MPP3: variants seen among roughly 807,000 people sequenced by gnomAD.
The protein encoded by MPP3 is MAGUK p55 scaffold protein 3.
Under a neutral mutation model 80.7 loss-of-function variants are expected in MPP3, and 48 were observed. That is an observed-to-expected ratio of 0.59 (90% CI 0.47 to 0.76). The LOEUF is 0.76. MPP3 is among the 30% of genes least tolerant of loss of function. The pLI, the probability that MPP3 is intolerant of heterozygous loss-of-function variation, is 0.00. For missense variants in MPP3, 620 were observed against 763.0 expected (o/e 0.81, Z 2.21); for synonymous variants, 311 against 297.6 (o/e 1.04, Z -0.46).
At position 43,801,805 on chromosome 17, in the gene MPP3, C is replaced by T. The variant is rs753720984; in HGVS notation, c.1654G>A (p.Val552Met). 1.7e-5 allele frequency: 27 copies of T among 1,614,040 alleles called. No homozygotes were observed. Among genetic ancestry groups the T allele is most frequent in the Middle Eastern group, 3.3e-4 (2 of 6,084 alleles). ...DRHYGHLVDA[V>M]LVKEDLQGAY... ...CCCTGGAGATCCTCCTTCACCAGCA[C>T]GGCGTCTACCAGGTGCCCGTAATGC... Residue 552 changes from valine to methionine, a missense_variant, in exon 20 of 20, where the codon GTG becomes ATG. Val to Met is a conservative substitution (Grantham distance 21). Transcript: ENST00000398389.
At chr17:43,827,901 C>T in intron 7 of MPP3, 69 bp from the exon 8 acceptor site, 1 of 1,400,894 alleles carries the variant, frequency 7.1e-7, no homozygotes, top group Non-Finnish European at 1.0e-6. Flanking sequence ...ACTCTCTGGA[C>T]CCAACACAGC....
intron 14 of MPP3, chr17:43,814,746 A>G (rs1447425841): frequency 5.9e-6 from 1 of 168,594 alleles, no homozygotes; most frequent in Non-Finnish European, 1.3e-5. Flanking sequence ...ACAATTGTTA[A>G]CATTTAAATA....
chr17:43,809,878 CA>C (rs897318825), intron 18 of MPP3, among the ~76,000 whole-genome samples: 1 of 147,838 alleles, frequency 6.8e-6, no homozygotes, highest in Non-Finnish European at 1.5e-5. Flanking sequence ...GAATCTGTCT[CA>C]AAAAAAAAGA....
chr17:43,801,657 A>G lies in MPP3; in HGVS notation c.*44T>C. On this transcript the variant is annotated 3_prime_UTR_variant, in exon 20 of 20. Coordinates refer to ENST00000398389, the MANE Select transcript of MPP3 (RefSeq NM_001932.6). Reference sequence around the variant, plus strand: ...GGTAAAATGAGGGAGTCTGGACTAGATGATCTTCAAGGTCCCGTCCAGCTT... The same window carrying G: ...GGTAAAATGAGGGAGTCTGGACTAGGTGATCTTCAAGGTCCCGTCCAGCTT... 1 of 1,586,964 alleles carries G rather than the reference A, an allele frequency of 6.3e-7. No individual in the cohort carries two copies. The highest frequency in any genetic ancestry group is 8.6e-7 in the Non-Finnish European group (1 of 1,156,678).
rs879356377 is a variant in MPP3 at position 43,825,610 on chromosome 17, G to A, written c.609+146C>T. 20 of 635,282 alleles carry A rather than the reference G, an allele frequency of 3.1e-5. No homozygotes were observed. In the Admixed American group the frequency reaches 4.5e-4, roughly 14 times the overall value. 39.4% of individuals were successfully genotyped at this position (635,282 alleles called of 1,614,324 possible). ...TGCCACCCCATACCCCGGGCACACTGTTAGGGGCACACCATAAGGCCACTT... is the reference window on the plus strand; with the variant it reads ...TGCCACCCCATACCCCGGGCACACTATTAGGGGCACACCATAAGGCCACTT... On this transcript the variant is annotated intron_variant, in intron 9 of 19. Coordinates refer to ENST00000398389, the MANE Select transcript of MPP3 (RefSeq NM_001932.6).
At chr17:43,822,145 A>G (rs932457523) in intron 10 of MPP3, among the ~76,000 whole-genome samples, 1 of 152,244 alleles carries the variant, frequency 6.6e-6, no homozygotes, top group Non-Finnish European at 1.5e-5. Context: ...CGCTTGTCCT[A>G]GGAAGAATCA....
At chr17:43,820,603 A>ACACACACACACAC (rs1264169757) in intron 11 of MPP3, among the ~76,000 whole-genome samples, 31 of 127,598 alleles carry the variant, frequency 2.4e-4, no homozygotes, top group Admixed American at 5.9e-4. Context: ...AAAAAAAAAA[A>ACACACACACACAC]ATACACACAC....
Position 43,831,910 on chromosome 17 carries a change from G to A in MPP3, c.-4C>T. 1 of 1,612,910 alleles carries A rather than the reference G, an allele frequency of 6.2e-7. No homozygotes were observed. Among genetic ancestry groups the A allele is most frequent in the Non-Finnish European group, 8.5e-7 (1 of 1,179,690 alleles). ...AGTCCTCCGATAGCACTGGCATGCT[G>A]GCGTTGTCACCTCCCGACCTCTCCC... On this transcript the variant is annotated 5_prime_UTR_variant, in exon 3 of 20. Coordinates refer to ENST00000398389, the MANE Select transcript of MPP3 (RefSeq NM_001932.6).
chr17:43,827,330 T>C (rs901989163), intron 8 of MPP3, among the ~76,000 whole-genome samples: 8 of 89,946 alleles, frequency 8.9e-5, no homozygotes, highest in African/African-American at 2.5e-4. Context: ...TTTTTTTTTC[T>C]TTTTTTTTTT....
chr17:43,810,209 A>C (rs745700523), intron 18 of MPP3, among the ~76,000 whole-genome samples: 1 of 152,230 alleles, frequency 6.6e-6, no homozygotes, highest in Non-Finnish European at 1.5e-5. Flanking sequence ...AAAAATCCCC[A>C]GATTGAGTTC....
In MPP3 at chr17:43,821,143, G is replaced by A. The variant is rs796737553; in HGVS notation, c.685-85C>T. ...GTCACATCAAAGGCCACATGACAAC[G>A]ACCATCCACACTTAGGAGGACCAAG... On this transcript the variant is annotated intron_variant, in intron 10 of 19. Coordinates refer to ENST00000398389, the MANE Select transcript of MPP3 (RefSeq NM_001932.6). 13 of 1,327,672 alleles carry A rather than the reference G, an allele frequency of 9.8e-6. No homozygotes were observed. The African/African-American group carries it at 1.3e-4, about 13-fold the overall frequency. The allele number at this position is 1,327,672 out of a possible 1,614,324, so 82.2% of individuals were successfully genotyped here. A position where few individuals can be genotyped will look rare whatever the true frequency, so the allele number is the denominator to read the frequency against.
rs773985931 is a variant in MPP3, at chr17:43,827,816, C to G, written c.458G>C (p.Arg153Pro). ...NKEPLGATIRRDEHSGAVVVA... is the reference protein window; with the variant it reads ...NKEPLGATIRPDEHSGAVVVA... ...CACAACAGCCCCTGAGTGCTCGTCC[C>G]GCCGGATGGTGGCACCCTGAACCCG... Residue 153 changes from arginine to proline, a missense_variant, in exon 8 of 20, where the codon CGG becomes CCG. Arg to Pro is a moderately radical substitution (Grantham distance 103). Transcript: ENST00000398389. The G allele has an allele frequency of 3.7e-6, 6 of 1,613,234 alleles. No individual in the cohort carries two copies. Among genetic ancestry groups the G allele is most frequent in the Non-Finnish European group, 5.1e-6 (6 of 1,180,008 alleles).
At chr17:43,804,632 A>G (rs2044540807) in intron 19 of MPP3, among the ~76,000 whole-genome samples, 1 of 152,226 alleles carries the variant, frequency 6.6e-6, no homozygotes, top group Admixed American at 6.5e-5. Context: ...TGGATTCGAC[A>G]ATGATTTCTT....
At chr17:43,811,228 TG>T (rs1457533134) in intron 16 of MPP3, 23 bp from the exon 17 acceptor site, 1 of 1,592,266 alleles carries the variant, frequency 6.3e-7, no homozygotes, top group African/African-American at 1.3e-5. Context: ...GAAGGAAAGC[TG>T]GGCAAAGAGA....
In MPP3 at chr17:43,801,003, A is replaced by G. The variant is rs552770063; in HGVS notation, c.*698T>C. Reference sequence around the variant, plus strand: ...CAATGGATGGAATAGAACAAATCAAACAAAGCATGGGCTCGATGTTAGGAA... The same window carrying G: ...CAATGGATGGAATAGAACAAATCAAGCAAAGCATGGGCTCGATGTTAGGAA... On this transcript the variant is annotated 3_prime_UTR_variant, in exon 20 of 20. Transcript: ENST00000398389. 6.6e-6 allele frequency: 1 copy of G among 152,288 alleles called. No individual in the cohort carries two copies. Among genetic ancestry groups the G allele is most frequent in the Non-Finnish European group, 1.5e-5 (1 of 68,128 alleles). The allele number at this position is 152,288 out of a possible 1,614,324, so 9.4% of individuals were successfully genotyped here. A position where few individuals can be genotyped will look rare whatever the true frequency, so the allele number is the denominator to read the frequency against.
chr17:43,823,997 G>A lies in MPP3; in HGVS notation c.618C>T (p.Ser206=), dbSNP rs781747804. Residue 206 remains serine, a synonymous_variant, in exon 10 of 20, where the codon TCC becomes TCT. Coordinates refer to ENST00000398389, the MANE Select transcript of MPP3 (RefSeq NM_001932.6). ...TGATTTTTAGGGTGATGGATCCCTG[G>A]GACTGGGCCTGAAACGAAAGAGAAC... ...PDEISQILAQ[S]QGSITLKIIP... 2 of 1,606,874 alleles carry A rather than the reference G, an allele frequency of 1.2e-6. No homozygotes were observed. The highest frequency in any genetic ancestry group is 2.7e-5 in the African/African-American group (2 of 74,444).
chr17:43,809,239 A>G (rs541069854), intron 18 of MPP3, among the ~76,000 whole-genome samples, 161 bp from the exon 19 acceptor site: 5 of 152,334 alleles, frequency 3.3e-5, no homozygotes, highest in Admixed American at 2.0e-4. Context: ...GGGCAGACCA[A>G]CTGCTCCTTT....
At chr17:43,815,719 G>A (rs539298192) in intron 14 of MPP3, 24 of 550,984 alleles carry the variant, frequency 4.4e-5, no homozygotes, top group Middle Eastern at 2.7e-4. Flanking sequence ...CCCTCACTGC[G>A]TGGTAGTGGT....
At chr17:43,808,443 G>A (rs1161167316) in intron 19 of MPP3, among the ~76,000 whole-genome samples, 1 of 152,180 alleles carries the variant, frequency 6.6e-6, no homozygotes, top group African/African-American at 2.4e-5. Flanking sequence ...CATAGACTGG[G>A]CTGAACAAAG....
Sources: gnomAD v4.1 joint callset for allele counts (sites outside exome capture counted in the v4.1 genomes callset) on GRCh38, gnomAD v4.1.1 for gene constraint, MANE v1.5 for transcripts, NCBI Gene and HGNC (gene_info 2026-07-23, HGNC 2026-07-21) for gene names.